Variants in ROBO2 observed in about 807,000 individuals in gnomAD.
The protein encoded by ROBO2 is roundabout guidance receptor 2, also known as roundabout homolog 2.
Under a neutral mutation model 160.8 loss-of-function variants are expected in ROBO2, and 53 were observed. The observed-to-expected ratio is 0.33, with a 90% confidence interval of 0.26 to 0.41. The LOEUF is 0.41. Ranked by LOEUF, ROBO2 falls within the 10% of genes least tolerant of loss-of-function variation. The pLI is 1.00. For missense variants in ROBO2, 1,577 were observed against 1,722.4 expected, an observed-to-expected ratio of 0.92 and a Z score of 1.49; for synonymous variants, 664 against 611.7, an observed-to-expected ratio of 1.09 and a Z score of -1.26.
At chr3:77,430,548 T>C (rs886714228) in intron 2 of ROBO2, among the ~76,000 whole-genome samples, 2 of 152,128 alleles carry the variant, frequency 1.3e-5, no homozygotes, top group African/African-American at 4.8e-5. Flanking sequence ...AAAATTCTTA[T>C]ATTGGAATCC....
chr3:76,120,028 A>C (rs375942036), intron 2 of ROBO2, among the ~76,000 whole-genome samples: 2 of 143,886 alleles, frequency 1.4e-5, no homozygotes, highest in East Asian at 4.1e-4. Context: ...ACAGAGCCTC[A>C]CTCTGTTGCC....
At chr3:77,032,599 C>T (rs1472259096) in intron 2 of ROBO2, among the ~76,000 whole-genome samples, 3 of 152,044 alleles carry the variant, frequency 2.0e-5, no homozygotes, top group African/African-American at 4.8e-5. Context: ...TATTTGTCAG[C>T]ACAGGTGAAG....
intron 2 of ROBO2, among the ~76,000 whole-genome samples, chr3:76,172,307 G>C (rs895771908): frequency 1.3e-4 from 20 of 151,134 alleles, no homozygotes; most frequent in African/African-American, 4.9e-4. Flanking sequence ...GGGAGGGATA[G>C]CATTAGGAGA....
chr3:77,114,181 G>T (rs2073970023), intron 2 of ROBO2, among the ~76,000 whole-genome samples: 1 of 152,180 alleles, frequency 6.6e-6, no homozygotes, highest in Admixed American at 6.5e-5. Flanking sequence ...AATTTGAGGT[G>T]AGACTAGACT....
At chr3:76,024,775 T>G (rs913274900) in intron 2 of ROBO2, among the ~76,000 whole-genome samples, 2 of 151,602 alleles carry the variant, frequency 1.3e-5, no homozygotes, top group African/African-American at 2.4e-5. Context: ...TGAACTAGAT[T>G]TCAGAGAAAT....
chr3:77,511,524 T>A (rs528671488), intron 5 of ROBO2, among the ~76,000 whole-genome samples: 2 of 152,078 alleles, frequency 1.3e-5, no homozygotes, highest in African/African-American at 4.8e-5. Context: ...GCGGTGAACA[T>A]CTTTTTTGTT....
At chr3:76,742,123 A>T (rs2093812109) in intron 2 of ROBO2, among the ~76,000 whole-genome samples, 1 of 152,120 alleles carries the variant, frequency 6.6e-6, no homozygotes, top group Non-Finnish European at 1.5e-5. Flanking sequence ...AGGCTTATCT[A>T]ATTAGATTTC....
chr3:76,910,711 G>A (rs1577412558), intron 2 of ROBO2, among the ~76,000 whole-genome samples: 1 of 115,700 alleles, frequency 8.6e-6, no homozygotes, highest in East Asian at 2.8e-4. Flanking sequence ...GGGCCACAGA[G>A]TGAAACTCTG....
intron 2 of ROBO2, among the ~76,000 whole-genome samples, chr3:76,039,896 G>A (rs570100917): frequency 1.4e-4 from 21 of 152,086 alleles, no homozygotes; most frequent in Admixed American, 2.0e-4. Context: ...ATTCCACTTC[G>A]GAGAATAAAT....
intron 2 of ROBO2, among the ~76,000 whole-genome samples, chr3:76,303,261 C>A (rs1269452454): frequency 6.6e-6 from 1 of 152,006 alleles, no homozygotes; most frequent in African/African-American, 2.4e-5. Flanking sequence ...CTTAGGTTAA[C>A]TATGTGTTAA....
At chr3:76,607,225 C>A (rs1005487572) in intron 2 of ROBO2, among the ~76,000 whole-genome samples, 1 of 152,058 alleles carries the variant, frequency 6.6e-6, no homozygotes, top group Non-Finnish European at 1.5e-5. Flanking sequence ...CCTCTTGCCT[C>A]AGCCTCCTGA....
intron 2 of ROBO2, among the ~76,000 whole-genome samples, chr3:76,094,127 C>A (rs1371192635): frequency 2.0e-5 from 3 of 151,104 alleles, no homozygotes; most frequent in African/African-American, 7.4e-5. Flanking sequence ...CGAGTGCACA[C>A]TCGCACTCAC....
At chr3:76,683,863 A>C (rs1428821087) in intron 2 of ROBO2, among the ~76,000 whole-genome samples, 1 of 152,146 alleles carries the variant, frequency 6.6e-6, no homozygotes, top group South Asian at 2.1e-4. Context: ...TTTGAAATTT[A>C]AATTGAACTT....
intron 2 of ROBO2, among the ~76,000 whole-genome samples, chr3:76,832,336 A>G (rs1216188146): frequency 6.6e-6 from 1 of 152,202 alleles, no homozygotes; most frequent in Non-Finnish European, 1.5e-5. Flanking sequence ...AATCAATATG[A>G]AATTATAGCA....
chr3:76,585,669 G>A (rs1339782555), intron 2 of ROBO2, among the ~76,000 whole-genome samples: 3 of 152,100 alleles, frequency 2.0e-5, no homozygotes, highest in African/African-American at 4.8e-5. Flanking sequence ...TTATTAAGAA[G>A]GGAAGGGAAG....
At chr3:77,341,141 C>T (rs1184781193) in intron 2 of ROBO2, among the ~76,000 whole-genome samples, 1 of 152,102 alleles carries the variant, frequency 6.6e-6, no homozygotes, top group Non-Finnish European at 1.5e-5. Flanking sequence ...TTTCATACCA[C>T]AATTCTATGG....
At chr3:77,541,710 A>G (rs1043185228) in intron 6 of ROBO2, among the ~76,000 whole-genome samples, 1 of 152,214 alleles carries the variant, frequency 6.6e-6, no homozygotes, top group Non-Finnish European at 1.5e-5. Context: ...ATAAGGTATA[A>G]TCACGTGACA....
intron 2 of ROBO2, among the ~76,000 whole-genome samples, chr3:76,468,870 C>T (rs2078500607): frequency 6.6e-6 from 1 of 152,074 alleles, no homozygotes; most frequent in African/African-American, 2.4e-5. Flanking sequence ...ATATCTACAG[C>T]TTCAGCTGCC....
chr3:76,644,468 C>CT (rs2090868288), intron 2 of ROBO2, among the ~76,000 whole-genome samples: 1 of 152,118 alleles, frequency 6.6e-6, no homozygotes, highest in Non-Finnish European at 1.5e-5. Context: ...CCTCTGGGTT[C>CT]TTTTTTTCAG....
Sources: gnomAD v4.1 joint callset for allele counts (sites outside exome capture counted in the v4.1 genomes callset) on GRCh38, gnomAD v4.1.1 for gene constraint, MANE v1.5 for transcripts, NCBI Gene and HGNC (gene_info 2026-07-23, HGNC 2026-07-21) for gene names.